PIAS2: variants seen among roughly 807,000 people sequenced by gnomAD.
The protein encoded by PIAS2 is E3 SUMO-protein ligase PIAS2.
Under a neutral mutation model 69.7 loss-of-function variants are expected in PIAS2, and 19 were observed. The observed-to-expected ratio is 0.27, with a 90% CI of 0.19 to 0.40. The LOEUF (loss-of-function observed/expected upper bound fraction) is 0.40. Among genes scored for constraint, PIAS2 ranks in the 10% least tolerant of loss-of-function variants. PIAS2 has a pLI of 1.00. For missense variants in PIAS2, 624 were observed against 757.0 expected (o/e 0.82, Z 2.06); for synonymous variants, 261 against 263.2 (o/e 0.99, Z 0.08).
Position 46,837,549 on chromosome 18 carries a change from TTATA to T in PIAS2, c.1042-1036_1042-1033del, listed in dbSNP as rs1403238490. Among the ~76,000 whole-genome samples, 3 of 152,334 alleles carry T rather than the reference TTATA, an allele frequency of 2.0e-5. No individual in the cohort carries two copies. The East Asian group carries it at 5.8e-4, about 29-fold the overall frequency. Reference sequence around the variant, plus strand: ...CATTTATGTTATTTATAGGCACTCTTTATATAAGAAATCGTGTGTAATATGAACT... The same window carrying T: ...CATTTATGTTATTTATAGGCACTCTTTAAGAAATCGTGTGTAATATGAACT... On this transcript the variant is annotated intron_variant, in intron 8 of 13. Transcript: ENST00000585916.
chr18:46,870,630 A>C (rs1260587102), intron 2 of PIAS2, among the ~76,000 whole-genome samples: 1 of 150,406 alleles, frequency 6.6e-6, no homozygotes, highest in African/African-American at 2.4e-5. Flanking sequence ...AAAAAAAAAA[A>C]AAAAAAAAAA....
At chr18:46,864,755 A>G (rs1455500390) in intron 2 of PIAS2, among the ~76,000 whole-genome samples, 1 of 143,812 alleles carries the variant, frequency 7.0e-6, no homozygotes, top group Non-Finnish European at 1.5e-5. Flanking sequence ...GGGCAACAAG[A>G]GTGAACTCCA....
At chr18:46,900,554 G>A (rs1367904274) in intron 1 of PIAS2, among the ~76,000 whole-genome samples, 1 of 152,008 alleles carries the variant, frequency 6.6e-6, no homozygotes, top group Non-Finnish European at 1.5e-5. Context: ...GTGCTCAACT[G>A]TAGTCTTGAT....
intron 2 of PIAS2, among the ~76,000 whole-genome samples, chr18:46,875,406 C>T (rs1225604281): frequency 1.3e-5 from 2 of 152,180 alleles, no homozygotes; most frequent in African/African-American, 2.4e-5. Context: ...TGCAATGTAA[C>T]CCCTTATCCC....
chr18:46,901,351 G>A, intron 1 of PIAS2: 1 of 256,854 alleles, frequency 3.9e-6, no homozygotes, highest in South Asian at 3.6e-5. Flanking sequence ...GGACGTTGTG[G>A]TGAGCCAGGA....
At chr18:46,891,710 A>C (rs980875477) in intron 1 of PIAS2, 23 of 826,324 alleles carry the variant, frequency 2.8e-5, no homozygotes, top group Non-Finnish European at 3.2e-5. Context: ...TGAGAAAAAG[A>C]CCTTTGAAGA....
intron 8 of PIAS2, among the ~76,000 whole-genome samples, chr18:46,840,017 C>T (rs773399986): frequency 5.3e-5 from 8 of 151,682 alleles, no homozygotes; most frequent in Non-Finnish European, 8.8e-5. Context: ...AAAAATTAGC[C>T]GAGCATGATG....
chr18:46,898,161 ATTT>A (rs879452559), intron 1 of PIAS2, among the ~76,000 whole-genome samples: 17 of 146,990 alleles, frequency 1.2e-4, no homozygotes, highest in Middle Eastern at 3.5e-3. Context: ...AGGCAATATA[ATTT>A]TTTTTTTTTG....
In PIAS2 at chr18:46,876,375, T is replaced by C. The variant is rs1199787818; in HGVS notation, c.500-12127A>G. Among the ~76,000 whole-genome samples the C allele has an allele frequency of 2.6e-5, 4 of 152,172 alleles. No homozygotes were observed. The East Asian group carries it at 5.8e-4, about 22-fold the overall frequency. ...GTTTGAGTCCATACTATTCTGGTGGTTAACTGTAAATAAAAATGTAGATTG... is the reference window on the plus strand; with the variant it reads ...GTTTGAGTCCATACTATTCTGGTGGCTAACTGTAAATAAAAATGTAGATTG... On this transcript the variant is annotated intron_variant, in intron 2 of 13. Transcript: ENST00000585916.
chr18:46,894,496 G>A (rs8094449), intron 1 of PIAS2, among the ~76,000 whole-genome samples: 11,695 of 152,058 alleles, frequency 0.077, 487 homozygotes, highest in African/African-American at 0.1. Context: ...ACTCTCAAAG[G>A]CTCCCAAGTC....
At position 46,917,369 on chromosome 18, in the gene PIAS2, C is replaced by CGCCGCTGCCGCCGCACCCACT; in HGVS notation, c.-45_-25dup. On this transcript the variant is annotated 5_prime_UTR_variant, in exon 1 of 14. Transcript: ENST00000585916. ...ATTTTATACCACCCGCGGGCGCCGC[C>CGCCGCTGCCGCCGCACCCACT]GCCGCTGCCGCCGCACCCACTCCCG... 6.9e-7 allele frequency: 1 copy of CGCCGCTGCCGCCGCACCCACT among 1,455,574 alleles called. No individual in the cohort carries two copies. The highest frequency in any genetic ancestry group is 9.1e-7 in the Non-Finnish European group (1 of 1,098,024). 90.2% of individuals were successfully genotyped at this position (1,455,574 alleles called of 1,614,324 possible).
intron 1 of PIAS2, among the ~76,000 whole-genome samples, chr18:46,910,608 TATAAATTAAA>T (rs2057151968): frequency 6.6e-6 from 1 of 152,162 alleles, no homozygotes; most frequent in South Asian, 2.1e-4. Context: ...GAAGAACTCT[TATAAATTAAA>T]GATAACTACT....
intron 1 of PIAS2, chr18:46,905,740 G>C: frequency 6.6e-6 from 1 of 152,096 alleles, no homozygotes; most frequent in African/African-American, 2.4e-5. Context: ...ACTAAAACAG[G>C]TTTGAAACTT....
intron 3 of PIAS2, among the ~76,000 whole-genome samples, chr18:46,862,722 T>C (rs989177145): frequency 1.3e-5 from 2 of 152,162 alleles, no homozygotes; most frequent in African/African-American, 4.8e-5. Flanking sequence ...TATATTCTTT[T>C]GAGATAGAGT....
At chr18:46,830,566 GA>G (rs892647929) in intron 9 of PIAS2, among the ~76,000 whole-genome samples, 3 of 149,802 alleles carry the variant, frequency 2.0e-5, no homozygotes, top group African/African-American at 7.4e-5. Context: ...TATGAAACTA[GA>G]AAAAAAAGCA....
intron 1 of PIAS2, chr18:46,891,580 A>T: frequency 1.8e-6 from 1 of 544,690 alleles, no homozygotes; most frequent in Non-Finnish European, 2.3e-6. Flanking sequence ...CCCAATTCAA[A>T]CATTAACAAA....
intron 3 of PIAS2, among the ~76,000 whole-genome samples, chr18:46,856,012 T>TTG (rs2047736044): frequency 1.5e-5 from 2 of 135,552 alleles, no homozygotes; most frequent in African/African-American, 2.8e-5. Context: ...TTTTTTTTTT[T>TTG]TTTTTTTTTT....
At chr18:46,901,196 T>C (rs2055786802) in intron 1 of PIAS2, 2 of 346,946 alleles carry the variant, frequency 5.8e-6, no homozygotes, top group South Asian at 4.5e-5. Context: ...GGCGGGCGGA[T>C]CACCTGCGGT....
At chr18:46,916,019 T>C (rs1195917603) in intron 1 of PIAS2, among the ~76,000 whole-genome samples, 2 of 152,172 alleles carry the variant, frequency 1.3e-5, no homozygotes, top group Non-Finnish European at 2.9e-5. Flanking sequence ...CTTAAACTTA[T>C]CAAGTATGAA....
Sources: allele counts gnomAD v4.1 joint callset (sites outside exome capture counted in the v4.1 genomes callset), GRCh38; gene constraint gnomAD v4.1.1; transcripts MANE v1.5; gene names NCBI Gene and HGNC (gene_info 2026-07-23, HGNC 2026-07-21).